The following ALG13 variants were observed in gnomAD, a reference collection of about 807,000 sequenced individuals.
ALG13 encodes UDP-N-acetylglucosamine transferase subunit ALG13.
In ALG13, 11 loss-of-function variants were observed where a neutral mutation model predicts 87.8. The ratio of observed to expected loss-of-function variants is 0.13; its 90% CI spans 0.08 to 0.21. The LOEUF is 0.21. Among genes scored for constraint, ALG13 ranks in the 10% least tolerant of loss-of-function variants. The pLI is 1.00. For synonymous variants in ALG13, 320 were observed against 306.3 expected (o/e 1.04, Z -0.47); for missense variants, 756 against 866.1 (o/e 0.87, Z 1.60).
chrX:111,700,923 T>C (rs1937750528), intron 3 of ALG13, among the ~76,000 whole-genome samples: 1 of 110,025 alleles, frequency 9.1e-6, no homozygotes, highest in East Asian at 2.9e-4. Context: ...TTTTTCATTA[T>C]GAAGGGGTGT....
chrX:111,685,444 C>CAATTT (rs1356590270), intron 3 of ALG13, among the ~76,000 whole-genome samples: 1 of 112,140 alleles, frequency 8.9e-6, no homozygotes, highest in East Asian at 2.8e-4. Flanking sequence ...TCAAGGAAGA[C>CAATTT]AATTTGCTCA....
rs1386247697 is a variant in ALG13 at position 111,703,659 on chromosome X, TG to T, written c.384-4367del. On this transcript the variant is annotated intron_variant, in intron 3 of 26. Coordinates refer to ENST00000394780, the MANE Select transcript of ALG13 (RefSeq NM_001099922.3). ...GACTCATGTCTTTTTTTGCTTCGCA[TG>T]TTACATTTGAGATACGTGTTCTTTT... Among the ~76,000 whole-genome samples, 15 of 112,460 alleles carry T rather than the reference TG, an allele frequency of 1.3e-4. No homozygotes were observed. In the East Asian group the frequency reaches 3.1e-3, roughly 23 times the overall value.
chrX:111,717,294 A>G (rs1940752445), intron 8 of ALG13, among the ~76,000 whole-genome samples: 1 of 111,624 alleles, frequency 9.0e-6, no homozygotes, highest in Non-Finnish European at 1.9e-5. Flanking sequence ...GTAGCCTGAG[A>G]TGTGCCTTAA....
chrX:111,696,982 C>CTT (rs55888261), intron 3 of ALG13, among the ~76,000 whole-genome samples: 164 of 74,085 alleles, frequency 2.2e-3, no homozygotes, highest in African/African-American at 8.1e-3. Context: ...TGGTTCTTAC[C>CTT]TTTTTTTTTT....
rs764528614 is a variant in ALG13 at position 111,736,699 on chromosome X, C to T, written c.2530-15C>T. ...ACCAAACTTAAGAGTTTTGAACTTTCTTCCACACTTACAGATGATGGGAAA... is the reference window on the plus strand; with the variant it reads ...ACCAAACTTAAGAGTTTTGAACTTTTTTCCACACTTACAGATGATGGGAAA... On this transcript the variant is annotated splice_polypyrimidine_tract_variant and intron_variant, in intron 22 of 26. Coordinates refer to ENST00000394780, the MANE Select transcript of ALG13 (RefSeq NM_001099922.3). 3 of 1,204,857 alleles carry T rather than the reference C, an allele frequency of 2.5e-6. No homozygotes were observed. The highest frequency in any genetic ancestry group is 4.7e-4 in the Middle Eastern group (2 of 4,296).
chrX:111,723,000 G>T lies in ALG13; in HGVS notation c.1500+143G>T, dbSNP rs1054349364. 3 of 432,408 alleles carry T rather than the reference G, an allele frequency of 6.9e-6. No homozygotes were observed. The African/African-American group carries it at 7.7e-5, about 11-fold the overall frequency. The allele number at this position is 432,408 out of a possible 1,213,427, so 35.6% of individuals were successfully genotyped here. On this transcript the variant is annotated intron_variant, in intron 13 of 26. Transcript: ENST00000394780. ...GATAGGGTCTAGCTCTGTTGCCTAGGCTGGAGTGTAGTGGCATGATCCTGG... is the reference window on the plus strand; with the variant it reads ...GATAGGGTCTAGCTCTGTTGCCTAGTCTGGAGTGTAGTGGCATGATCCTGG...
intron 1 of ALG13, chrX:111,681,688 C>T (rs1933323240): frequency 1.2e-6 from 1 of 847,679 alleles, no homozygotes. Flanking sequence ...GTGGACCGCA[C>T]GTCGGCGCCG....
At position 111,709,026 on chromosome X, in the gene ALG13, A is replaced by G. The variant is rs768330697; in HGVS notation, c.812A>G (p.Glu271Gly). 1 of 1,175,299 alleles carries G rather than the reference A, an allele frequency of 8.5e-7. No individual in the cohort carries two copies. The highest frequency in any genetic ancestry group is 1.1e-6 in the Non-Finnish European group (1 of 871,094). ...IRKACVSYMRENQQTFESYVE... is the reference protein window; with the variant it reads ...IRKACVSYMRGNQQTFESYVE... Reference sequence around the variant, plus strand: ...AAGGCTTGTGTCTCATATATGAGGGAAAATCAACAAACTTTTGAGTCTGTA... The same window carrying G: ...AAGGCTTGTGTCTCATATATGAGGGGAAATCAACAAACTTTTGAGTCTGTA... The change falls in exon 5 of 27, where the codon GAA becomes GGA. Residue 271 changes from glutamate to glycine, a missense_variant. Physicochemically the swap from Glu to Gly is moderately conservative, Grantham distance 98. Around this residue, in one of 9 missense-constraint regions of ALG13, gnomAD observed 60 missense variants for 54.5 expected, o/e 1.10. Coordinates refer to ENST00000394780, the MANE Select transcript of ALG13 (RefSeq NM_001099922.3).
intron 22 of ALG13, among the ~76,000 whole-genome samples, chrX:111,736,098 G>A (rs1027344617): frequency 1.8e-5 from 2 of 111,280 alleles, no homozygotes; most frequent in Admixed American, 9.6e-5. Context: ...GAGCCCAGGG[G>A]TTCAACACCA....
chrX:111,696,459 C>T (rs1038141917), intron 3 of ALG13, among the ~76,000 whole-genome samples: 1 of 111,499 alleles, frequency 9.0e-6, no homozygotes, highest in African/African-American at 3.3e-5. Flanking sequence ...ACCATATTGC[C>T]TCTCAGAAAC....
intron 25 of ALG13, 80 bp from the exon 26 acceptor site, chrX:111,757,508 T>C (rs1420344423): frequency 2.0e-5 from 14 of 717,381 alleles, no homozygotes; most frequent in Non-Finnish European, 2.6e-5. Flanking sequence ...TTTTTTTTTT[T>C]TGTCTGTGGG....
chrX:111,726,884 T>C lies in ALG13; in HGVS notation c.1805T>C (p.Met602Thr), dbSNP rs749128667. Residue 602 changes from methionine to threonine, a missense_variant, in exon 16 of 27, where the codon ATG becomes ACG. By Grantham distance (81) the Met-to-Thr change is moderately conservative. Transcript: ENST00000394780. ...KIRGKEVYMT[M>T]AYGKGDPLLP... The stretch of plus-strand genomic sequence containing the variant: ...CGAGGGAAAGAAGTTTACATGACTA[T>C]GGCTTACGGCAAGGGAGACCCCCTC... 5.0e-6 allele frequency: 6 copies of C among 1,211,262 alleles called. No individual in the cohort carries two copies. The South Asian group carries it at 8.8e-5, about 18-fold the overall frequency.
chrX:111,717,778 TATC>T, intron 8 of ALG13, 65 bp from the exon 9 acceptor site: 2 of 761,266 alleles, frequency 2.6e-6, no homozygotes, highest in Non-Finnish European at 3.7e-6. Context: ...TCAAGTTAAT[TATC>T]ATCTTAATTT....
At chrX:111,725,991 C>T (rs1389043432) in intron 15 of ALG13, among the ~76,000 whole-genome samples, 3 of 111,987 alleles carry the variant, frequency 2.7e-5, no homozygotes, top group Non-Finnish European at 3.8e-5. Context: ...TGGCCCAGGC[C>T]GGACTGCAGT....
rs772151460 is a variant in ALG13 at position 111,711,492 on chromosome X, C to T, written c.835-183C>T. Among the ~76,000 whole-genome samples, 148 of 112,272 alleles carry T rather than the reference C, an allele frequency of 1.3e-3. 1 individual carries two copies. Among genetic ancestry groups the T allele is most frequent in the Middle Eastern group, 4.6e-3 (1 of 217 alleles). On this transcript the variant is annotated intron_variant, in intron 5 of 26. Transcript: ENST00000394780. ...CCAATTCCTAAGATACTTTTATACTCCAGCTTTTCTCCACTCATGACTTTT... is the reference window on the plus strand; with the variant it reads ...CCAATTCCTAAGATACTTTTATACTTCAGCTTTTCTCCACTCATGACTTTT...
In ALG13 at chrX:111,757,230, TGTATA is replaced by T. The variant is rs1208052943; in HGVS notation, c.2974-353_2974-349del. ...ATTTGACAGCATGATTTTCGTTGCCTGTATAGTATTTCATTACGGGTATATAATTT... is the reference window on the plus strand; with the variant it reads ...ATTTGACAGCATGATTTTCGTTGCCTGTATTTCATTACGGGTATATAATTT... On this transcript the variant is annotated intron_variant, in intron 25 of 26. Coordinates refer to ENST00000394780, the MANE Select transcript of ALG13 (RefSeq NM_001099922.3). The T allele has an allele frequency of 5.6e-5, 8 of 141,642 alleles. No homozygotes were observed. In the East Asian group the frequency reaches 1.3e-3, roughly 22 times the overall value. The allele number at this position is 141,642 out of a possible 1,213,427, so 11.7% of individuals were successfully genotyped here. A position where few individuals can be genotyped will look rare whatever the true frequency, so the allele number is the denominator to read the frequency against.
Position 111,727,052 on chromosome X carries a change from C to T in ALG13, c.1973C>T (p.Pro658Leu), listed in dbSNP as rs749093635. ...SPRQGRGYGMPRNSSRFINRH... is the reference protein window; with the variant it reads ...SPRQGRGYGMLRNSSRFINRH... ...AGACAAGGTCGGGGATATGGGATGC[C>T]CAGGTAAGACATTGACAGATTTGTA... The change falls in exon 16 of 27, where the codon CCC (proline) becomes CTC (leucine). Residue 658 changes from proline to leucine, a missense_variant. Around this residue, in one of 9 missense-constraint regions of ALG13, gnomAD observed 362 missense variants for 383.5 expected, o/e 0.94. Coordinates refer to ENST00000394780, the MANE Select transcript of ALG13 (RefSeq NM_001099922.3). 1.7e-6 allele frequency: 2 copies of T among 1,210,094 alleles called. No homozygotes were observed. Among genetic ancestry groups the T allele is most frequent in the Non-Finnish European group, 1.1e-6 (1 of 894,663 alleles).
At chrX:111,722,721 A>G (rs1188785547) in intron 12 of ALG13, 72 bp from the exon 13 acceptor site, 1 of 752,611 alleles carries the variant, frequency 1.3e-6, no homozygotes, top group African/African-American at 2.1e-5. Context: ...CGGTAAAAGT[A>G]AATGAGGAAA....
intron 3 of ALG13, among the ~76,000 whole-genome samples, chrX:111,698,962 T>A (rs1029337082): frequency 8.9e-6 from 1 of 112,041 alleles, no homozygotes; most frequent in Non-Finnish European, 1.9e-5. Flanking sequence ...CTGTACTAAT[T>A]TACATTCCCA....
Sources: gnomAD v4.1 joint callset for allele counts (sites outside exome capture counted in the v4.1 genomes callset) on GRCh38, gnomAD v4.1.1 for gene constraint, gnomAD v4.1.1 regional missense constraint, MANE v1.5 for transcripts, NCBI Gene and HGNC (gene_info 2026-07-23, HGNC 2026-07-21) for gene names.